GLCE: variants seen among roughly 807,000 people sequenced by gnomAD.
The protein encoded by GLCE is glucuronic acid epimerase.
A neutral mutation model predicts 47.9 loss-of-function variants in GLCE; 19 were observed. The observed-to-expected ratio is 0.40, with a 90% confidence interval of 0.28 to 0.58. The LOEUF is 0.58. Ranked by LOEUF, GLCE falls within the 20% of genes least tolerant of loss-of-function variation. The probability of loss-of-function intolerance (pLI) is 0.48; values close to 1 mark genes in which losing one functional copy is unlikely to be tolerated. For synonymous variants in GLCE, 245 were observed against 263.4 expected, an observed-to-expected ratio of 0.93 and a Z score of 0.68; for missense variants, 556 against 743.3, an observed-to-expected ratio of 0.75 and a Z score of 2.93.
At chr15:69,186,572 C>G (rs1285316239) in intron 1 of GLCE, among the ~76,000 whole-genome samples, 1 of 152,114 alleles carries the variant, frequency 6.6e-6, no homozygotes, top group Non-Finnish European at 1.5e-5. Context: ...GATTCTGATG[C>G]TAAAAAATAA....
chr15:69,164,428 T>A (rs1405395882), intron 1 of GLCE, among the ~76,000 whole-genome samples: 1 of 151,600 alleles, frequency 6.6e-6, no homozygotes, highest in South Asian at 2.1e-4. Context: ...AGTTTTCATA[T>A]ATACATATAT....
chr15:69,187,581 T>C (rs2051842722), intron 1 of GLCE, among the ~76,000 whole-genome samples: 1 of 152,178 alleles, frequency 6.6e-6, no homozygotes, highest in Non-Finnish European at 1.5e-5. Context: ...ATTATACAAC[T>C]CTTTGAAGAT....
intron 2 of GLCE, among the ~76,000 whole-genome samples, chr15:69,215,056 G>C (rs923037739): frequency 6.6e-6 from 1 of 151,988 alleles, no homozygotes; most frequent in African/African-American, 2.4e-5. Context: ...TTCCATCTTG[G>C]GTTTCCCTGA....
At chr15:69,195,431 C>T (rs988967028) in intron 1 of GLCE, among the ~76,000 whole-genome samples, 16 of 151,840 alleles carry the variant, frequency 1.1e-4, no homozygotes, top group Non-Finnish European at 2.1e-4. Flanking sequence ...GATAAAATCT[C>T]CTTAGAGTTT....
intron 1 of GLCE, among the ~76,000 whole-genome samples, chr15:69,200,739 GCTA>G (rs1409779088): frequency 6.6e-6 from 1 of 152,062 alleles, no homozygotes; most frequent in Non-Finnish European, 1.5e-5. Context: ...GTTTTCTATT[GCTA>G]CCATCATAAA....
intron 1 of GLCE, among the ~76,000 whole-genome samples, chr15:69,166,553 G>A (rs2051504370): frequency 6.6e-6 from 1 of 152,176 alleles, no homozygotes. Flanking sequence ...GGAATGGGGT[G>A]CTGAAGATCA....
intron 2 of GLCE, among the ~76,000 whole-genome samples, chr15:69,211,060 A>C (rs189324648): frequency 6.6e-6 from 1 of 152,112 alleles, no homozygotes; most frequent in Non-Finnish European, 1.5e-5. Context: ...TAGAGATTTA[A>C]ATATGCATAT....
intron 1 of GLCE, among the ~76,000 whole-genome samples, chr15:69,187,422 A>C (rs1166913953): frequency 6.6e-6 from 1 of 152,166 alleles, no homozygotes; most frequent in African/African-American, 2.4e-5. Flanking sequence ...TCTCCCTTCA[A>C]CCTGGTGAGA....
rs1337015637 is a variant in GLCE, at chr15:69,269,134, C to T, written c.1744C>T (p.His582Tyr). 6.2e-7 allele frequency: 1 copy of T among 1,613,848 alleles called. No individual in the cohort carries two copies. The highest frequency in any genetic ancestry group is 1.3e-5 in the African/African-American group (1 of 74,914). The stretch of plus-strand genomic sequence containing the variant: ...GGCTCGCTGGGACTATCATACCACC[C>T]ACATCAATCAGTTGCAGCTACTCAG... ...NLARWDYHTT[H>Y]INQLQLLSTI... is the part of the protein sequence containing the mutation. The change falls in exon 5 of 5, where the codon CAC becomes TAC. Residue 582 changes from histidine (H) to tyrosine (Y), a missense_variant. Around this residue, in one of 3 missense-constraint regions of GLCE, gnomAD observed 245 missense variants for 368.1 expected, o/e 0.67. Transcript: ENST00000261858.
intron 1 of GLCE, among the ~76,000 whole-genome samples, chr15:69,176,426 G>A (rs1338996721): frequency 4.0e-5 from 6 of 151,832 alleles, no homozygotes; most frequent in African/African-American, 1.4e-4. Context: ...GTTTCACCAT[G>A]TTGGCCAGGC....
chr15:69,254,643 T>G (rs574353457), intron 2 of GLCE, among the ~76,000 whole-genome samples: 9 of 152,066 alleles, frequency 5.9e-5, no homozygotes, highest in African/African-American at 2.2e-4. Context: ...GGATATTGAG[T>G]GAATAAGAAA....
chr15:69,217,793 A>G (rs1475712270), intron 2 of GLCE, among the ~76,000 whole-genome samples: 5 of 152,332 alleles, frequency 3.3e-5, no homozygotes, highest in Admixed American at 3.3e-4. Flanking sequence ...CTCACAATTT[A>G]TTTAGTCTTC....
chr15:69,230,339 G>A lies in GLCE; in HGVS notation c.-14+19933G>A, dbSNP rs575332633. ...AGATTTTAGAGCAAGAAGTATGAAGGACATTTGATAATATAAAAGGGGTCA... is the reference window on the plus strand; with the variant it reads ...AGATTTTAGAGCAAGAAGTATGAAGAACATTTGATAATATAAAAGGGGTCA... On this transcript the variant is annotated intron_variant, in intron 2 of 4. Transcript: ENST00000261858. Among the ~76,000 whole-genome samples the A allele has an allele frequency of 3.3e-5, 5 of 152,094 alleles. No homozygotes were observed. The East Asian group carries it at 9.7e-4, about 29-fold the overall frequency.
chr15:69,222,235 A>T (rs544931118), intron 2 of GLCE, among the ~76,000 whole-genome samples: 1 of 152,288 alleles, frequency 6.6e-6, no homozygotes, highest in Middle Eastern at 3.4e-3. Context: ...ACAGCATTCC[A>T]TGAGGTATGG....
chr15:69,224,411 T>C (rs11637924), intron 2 of GLCE, among the ~76,000 whole-genome samples: 77,586 of 152,080 alleles, frequency 0.51, 23,392 homozygotes, highest in Admixed American at 0.65. Context: ...TCCCAGTCTT[T>C]AATGTCTGGC....
chr15:69,268,255 A>C lies in GLCE; in HGVS notation c.865A>C (p.Thr289Pro). Residue 289 changes from threonine (T) to proline (P), a missense_variant, in exon 5 of 5, where the codon ACA (threonine) becomes CCA (proline). Coordinates refer to ENST00000261858, the MANE Select transcript of GLCE (RefSeq NM_015554.3). Reference protein sequence around the residue: ...SEGVSLQLGNTKDFIISFDLK... With the variant: ...SEGVSLQLGNPKDFIISFDLK... Reference sequence around the variant, plus strand: ...AGGTGTATCCTTGCAACTGGGAAACACAAAAGATTTTATTATTTCATTTGA... The same window carrying C: ...AGGTGTATCCTTGCAACTGGGAAACCCAAAAGATTTTATTATTTCATTTGA... 6.2e-7 allele frequency: 1 copy of C among 1,611,056 alleles called. No homozygotes were observed. Among genetic ancestry groups the C allele is most frequent in the Non-Finnish European group, 8.5e-7 (1 of 1,178,676 alleles).
chr15:69,160,727 C>G lies in GLCE; in HGVS notation c.-135C>G, dbSNP rs923656542. On this transcript the variant is annotated 5_prime_UTR_variant, in exon 1 of 5. Transcript: ENST00000261858. This position sits in a 1 kb window ranked among gnomAD's most constrained non-coding sequence, Gnocchi z 4.2. Reference sequence around the variant, plus strand: ...TGTCTCCTTCTCTTCCTCAGGGCTCCCGTGTCTGCTCGCCCTCCGACGCTG... The same window carrying G: ...TGTCTCCTTCTCTTCCTCAGGGCTCGCGTGTCTGCTCGCCCTCCGACGCTG... The G allele has an allele frequency of 6.5e-6, 1 of 152,800 alleles. No homozygotes were observed. The highest frequency in any genetic ancestry group is 6.5e-5 in the Admixed American group (1 of 15,294). The allele number at this position is 152,800 out of a possible 1,614,324, so 9.5% of individuals were successfully genotyped here.
At chr15:69,233,554 A>G (rs376185379) in intron 2 of GLCE, among the ~76,000 whole-genome samples, 8 of 152,302 alleles carry the variant, frequency 5.3e-5, no homozygotes, top group East Asian at 3.9e-4. Context: ...CAAATTCAGT[A>G]TATGTTAAAC....
chr15:69,182,839 C>T (rs1190308343), intron 1 of GLCE, among the ~76,000 whole-genome samples: 1 of 151,972 alleles, frequency 6.6e-6, no homozygotes, highest in Non-Finnish European at 1.5e-5. Context: ...CATGGTGAAA[C>T]CCCGTCTCTA....
Sources: allele counts gnomAD v4.1 joint callset (sites outside exome capture counted in the v4.1 genomes callset), GRCh38; gene constraint gnomAD v4.1.1; regional missense constraint gnomAD v4.1.1; non-coding constraint Gnocchi (gnomAD v3.1); transcripts MANE v1.5; gene names NCBI Gene and HGNC (gene_info 2026-07-23, HGNC 2026-07-21).